Variants in TTLL11 observed in about 807,000 individuals in gnomAD.
TTLL11 encodes the protein tubulin tyrosine ligase like 11, also known as tubulin polyglutamylase TTLL11.
TTLL11 carries 42 observed loss-of-function variants against 51.7 expected under a neutral mutation model. The observed-to-expected ratio is 0.81, with a 90% CI of 0.64 to 1.05. TTLL11 has a LOEUF of 1.05. Among genes scored for constraint, TTLL11 ranks in the 50% least tolerant of loss-of-function variants. The probability of loss-of-function intolerance (pLI) is 0.00; values close to 1 mark genes in which losing one functional copy is unlikely to be tolerated. For synonymous variants in TTLL11, 381 were observed against 383.5 expected (o/e 0.99, Z 0.08); for missense variants, 799 against 940.4 (o/e 0.85, Z 1.97).
At chr9:121,944,299 G>T (rs2131587731) in intron 6 of TTLL11, among the ~76,000 whole-genome samples, 1 of 152,276 alleles carries the variant, frequency 6.6e-6, no homozygotes, top group Middle Eastern at 3.4e-3. Flanking sequence ...TTTGAGATCA[G>T]AAGTTTGAGA....
At chr9:121,959,893 CTTCT>C (rs1842161542) in intron 6 of TTLL11, among the ~76,000 whole-genome samples, 2 of 152,048 alleles carry the variant, frequency 1.3e-5, no homozygotes, top group South Asian at 4.2e-4. Flanking sequence ...ATACATTGGA[CTTCT>C]TTATTTTTTT....
intron 6 of TTLL11, among the ~76,000 whole-genome samples, chr9:121,933,656 A>G (rs1325468709): frequency 6.6e-6 from 1 of 152,214 alleles, no homozygotes; most frequent in East Asian, 1.9e-4. Flanking sequence ...CAAATAATGT[A>G]TTTCTGTGGG....
intron 5 of TTLL11, among the ~76,000 whole-genome samples, chr9:121,974,331 T>G (rs1035217935): frequency 1.3e-5 from 2 of 152,194 alleles, no homozygotes; most frequent in Non-Finnish European, 2.9e-5. Flanking sequence ...AATAGCACTA[T>G]GTTTTTCTAA....
At chr9:121,877,461 C>A (rs568433550) in intron 6 of TTLL11, among the ~76,000 whole-genome samples, 1 of 152,076 alleles carries the variant, frequency 6.6e-6, no homozygotes, top group Non-Finnish European at 1.5e-5. Context: ...AAGGACTTAA[C>A]GAGAGAGCTC....
At chr9:122,052,436 G>T (rs771303028) in intron 1 of TTLL11, among the ~76,000 whole-genome samples, 1 of 152,212 alleles carries the variant, frequency 6.6e-6, no homozygotes, top group African/African-American at 2.4e-5. Context: ...CTGTTTCCTC[G>T]ATGGGAACAA....
At chr9:121,936,166 G>A (rs957686523) in intron 6 of TTLL11, among the ~76,000 whole-genome samples, 6 of 152,066 alleles carry the variant, frequency 3.9e-5, no homozygotes, top group East Asian at 1.9e-4. Flanking sequence ...AGAGAATGTC[G>A]GCCAGTTCTT....
intron 3 of TTLL11, among the ~76,000 whole-genome samples, chr9:122,029,458 C>T (rs1044852020): frequency 1.1e-4 from 17 of 151,974 alleles, no homozygotes; most frequent in African/African-American, 4.1e-4. Context: ...CCGTGTAGGC[C>T]TAGGCGAAGG....
chr9:121,929,782 CT>C (rs1412602848), intron 6 of TTLL11, among the ~76,000 whole-genome samples: 2 of 152,212 alleles, frequency 1.3e-5, no homozygotes, highest in Non-Finnish European at 2.9e-5. Flanking sequence ...CCCTCTGCCC[CT>C]CTCCAGCTGT....
chr9:122,061,676 C>T (rs538340994), intron 1 of TTLL11, among the ~76,000 whole-genome samples: 5 of 151,952 alleles, frequency 3.3e-5, no homozygotes, highest in Admixed American at 1.3e-4. Flanking sequence ...CTCACTCCGT[C>T]GCCCAGGCTG....
At chr9:122,029,967 G>A (rs1031056638) in intron 3 of TTLL11, among the ~76,000 whole-genome samples, 6 of 152,126 alleles carry the variant, frequency 3.9e-5, no homozygotes, top group African/African-American at 1.4e-4. Context: ...ATACAGGTTT[G>A]TATCCTAGGA....
chr9:121,822,607 G>A lies in TTLL11; in HGVS notation c.2113C>T (p.Pro705Ser). ...RTSCANKLSH[P>S]RHTLS ...GGCCCTCAGGACAGGGTATGTCTGG[G>A]ATGGGAGAGCTTATTGGCACAGCTG... The change falls in exon 9 of 9, where the codon CCC becomes TCC. Residue 705 changes from proline (P) to serine (S), a missense_variant. Coordinates refer to ENST00000321582, the MANE Select transcript of TTLL11 (RefSeq NM_001139442.2). This position sits in a 1 kb window ranked among gnomAD's most constrained non-coding sequence, Gnocchi z 5.8. 6.8e-7 allele frequency: 1 copy of A among 1,476,674 alleles called. No homozygotes were observed. Among genetic ancestry groups the A allele is most frequent in the Non-Finnish European group, 9.0e-7 (1 of 1,113,644 alleles). 91.5% of individuals were successfully genotyped at this position (1,476,674 alleles called of 1,614,324 possible).
At chr9:121,828,961 ATT>A (rs533752030) in intron 8 of TTLL11, among the ~76,000 whole-genome samples, 2 of 143,170 alleles carry the variant, frequency 1.4e-5, no homozygotes. Context: ...AAGACCCTGT[ATT>A]TTTTTTTTTT....
intron 6 of TTLL11, among the ~76,000 whole-genome samples, chr9:121,941,526 T>C (rs945929277): frequency 1.3e-5 from 2 of 152,230 alleles, no homozygotes; most frequent in Non-Finnish European, 2.9e-5. Flanking sequence ...ATTTCTCATG[T>C]TAATTCATTG....
At position 122,040,337 on chromosome 9, in the gene TTLL11, T is replaced by C. The variant is rs184116020; in HGVS notation, c.463-969A>G. 27 of 985,054 alleles carry C rather than the reference T, an allele frequency of 2.7e-5. No homozygotes were observed. The African/African-American group carries it at 4.0e-4, about 15-fold the overall frequency. 61.0% of individuals were successfully genotyped at this position (985,054 alleles called of 1,614,324 possible). On this transcript the variant is annotated intron_variant, in intron 1 of 8. Coordinates refer to ENST00000321582, the MANE Select transcript of TTLL11 (RefSeq NM_001139442.2). The stretch of plus-strand genomic sequence containing the variant: ...CTAAAATCTTGTTTGGCACAAGCTA[T>C]AGAGTTTCAATTATTTGAAGCCAGA...
intron 1 of TTLL11, among the ~76,000 whole-genome samples, chr9:122,080,882 A>G (rs1268732832): frequency 6.6e-6 from 1 of 152,200 alleles, no homozygotes; most frequent in African/African-American, 2.4e-5. Flanking sequence ...TAGCAAGGAA[A>G]AATGTTTAAA....
At chr9:121,879,194 G>C (rs1008814741) in intron 6 of TTLL11, among the ~76,000 whole-genome samples, 3 of 152,288 alleles carry the variant, frequency 2.0e-5, no homozygotes, top group East Asian at 1.9e-4. Flanking sequence ...GGGGCCCACT[G>C]TCTAGTCACC....
rs1239184398 is a variant in TTLL11, at chr9:122,039,270, A to G, written c.559+2T>C. The G allele has an allele frequency of 1.2e-6, 2 of 1,613,046 alleles. No homozygotes were observed. The highest frequency in any genetic ancestry group is 4.5e-5 in the East Asian group (2 of 44,872). ...TTAAATGTCAACAATAACAGCAGAT[A>G]CCTGGAAACTTGTTCACTTGACCGG... On this transcript the variant is annotated splice_donor_variant, in intron 2 of 8. Coordinates refer to ENST00000321582, the MANE Select transcript of TTLL11 (RefSeq NM_001139442.2). LOFTEE classifies it high-confidence loss of function.
intron 8 of TTLL11, among the ~76,000 whole-genome samples, chr9:121,836,402 C>T (rs1837180153): frequency 1.3e-5 from 2 of 152,192 alleles, no homozygotes; most frequent in Non-Finnish European, 2.9e-5. Flanking sequence ...CAACAGCCAT[C>T]CAGCCCCCCA....
intron 3 of TTLL11, among the ~76,000 whole-genome samples, chr9:122,010,873 C>A (rs1379939937): frequency 6.6e-6 from 1 of 152,190 alleles, no homozygotes; most frequent in Non-Finnish European, 1.5e-5. Context: ...AAAGCAAGAT[C>A]TGCCACCTAA....
Sources: allele counts gnomAD v4.1 joint callset (sites outside exome capture counted in the v4.1 genomes callset), GRCh38; gene constraint gnomAD v4.1.1; non-coding constraint Gnocchi (gnomAD v3.1); transcripts MANE v1.5; gene names NCBI Gene and HGNC (gene_info 2026-07-23, HGNC 2026-07-21).